FRMD1: variants seen among roughly 807,000 people sequenced by gnomAD.
FRMD1 encodes FERM domain-containing protein 1.
In FRMD1, 51 loss-of-function variants were observed where a neutral mutation model predicts 54.9. That is an observed-to-expected ratio of 0.93 (90% confidence interval 0.74 to 1.17). The LOEUF is 1.17. FRMD1 is among the 50% of genes most tolerant of loss of function. The probability of loss-of-function intolerance (pLI) is 0.00; values close to 1 mark genes in which losing one functional copy is unlikely to be tolerated. For synonymous variants in FRMD1, 324 were observed against 306.4 expected, an observed-to-expected ratio of 1.06 and a Z score of -0.60; for missense variants, 729 against 743.0, an observed-to-expected ratio of 0.98 and a Z score of 0.22.
chr6:168,081,525 C>T (rs770089187), upstream of FRMD1: 6 of 1,521,730 alleles, frequency 3.9e-6, no homozygotes, highest in South Asian at 3.6e-5. Context: ...TTCTTCTGGA[C>T]GGCTGGTTTC....
At chr6:168,079,321 A>C, upstream of FRMD1, 5 of 768,314 alleles carry the variant, frequency 6.5e-6, no homozygotes, top group Non-Finnish European at 9.6e-6. Flanking sequence ...AAACAACCTC[A>C]GGCTGGGCAC....
In FRMD1 at chr6:168,057,112, C is replaced by G; in HGVS notation, c.1635G>C (p.Gln545His). The change falls in exon 11 of 11, where the codon CAG becomes CAC. Residue 545 changes from glutamine to histidine, a missense_variant. Coordinates refer to ENST00000283309, the MANE Select transcript of FRMD1 (RefSeq NM_024919.6). ...ALDLFGEAPPQEFVV is the reference protein window; with the variant it reads ...ALDLFGEAPPHEFVV ...TGGGTGGTGCCTACACCACAAACTC[C>G]TGTGGTGGAGCCTCTCCGAACAGGT... The G allele has an allele frequency of 6.7e-7, 1 of 1,488,214 alleles. No individual in the cohort carries two copies. Among genetic ancestry groups the G allele is most frequent in the Non-Finnish European group, 9.0e-7 (1 of 1,115,556 alleles). The allele number at this position is 1,488,214 out of a possible 1,614,324, so 92.2% of individuals were successfully genotyped here. A position where few individuals can be genotyped will look rare whatever the true frequency, so the allele number is the denominator to read the frequency against.
Position 168,064,923 on chromosome 6 carries a change from T to G in FRMD1, c.596A>C (p.Glu199Ala). 1 of 1,606,126 alleles carries G rather than the reference T, an allele frequency of 6.2e-7. No homozygotes were observed. The highest frequency in any genetic ancestry group is 8.5e-7 in the Non-Finnish European group (1 of 1,176,934). The change falls in exon 5 of 11, where the codon GAG (glutamate) becomes GCG (alanine). Residue 199 changes from glutamate to alanine, a missense_variant. Transcript: ENST00000283309. ...GAAGTACCTCCCGGCATGGGCCGAC[T>G]CCCGGTGCTCGCCCAGGTCAGCCTG... is the stretch of plus-strand genomic sequence containing the variant. ...ALQADLGEHRESAHAGRYFEP... is the reference protein window; with the variant it reads ...ALQADLGEHRASAHAGRYFEP...
intron 9 of FRMD1, among the ~76,000 whole-genome samples, 162 bp downstream of exon 9, chr6:168,060,599 C>T (rs539621759): frequency 6.6e-6 from 1 of 152,328 alleles, no homozygotes; most frequent in South Asian, 2.1e-4. Flanking sequence ...CATGTTCTGG[C>T]ACATTTCCTG....
intron 7 of FRMD1, among the ~76,000 whole-genome samples, chr6:168,062,384 C>T (rs572501661): frequency 3.9e-4 from 59 of 152,318 alleles, no homozygotes; most frequent in African/African-American, 1.4e-3. Context: ...CACACAGGTG[C>T]GTTTCTATGA....
At chr6:168,081,215 T>C, upstream of FRMD1, 7 of 742,192 alleles carry the variant, frequency 9.4e-6, no homozygotes, top group Non-Finnish European at 1.4e-5. Flanking sequence ...AAGGCAAGGG[T>C]GGTCGCCATG....
Position 168,062,001 on chromosome 6 carries a change from G to A in FRMD1, c.871-20C>T, listed in dbSNP as rs1400010494. ...CTTTCCCTGAGCAAACAGGAGAGAAGTTGCCACTCCACAGGTGGAAAACCA... is the reference window on the plus strand; with the variant it reads ...CTTTCCCTGAGCAAACAGGAGAGAAATTGCCACTCCACAGGTGGAAAACCA... On this transcript the variant is annotated intron_variant, in intron 7 of 10. Transcript: ENST00000283309. 2 of 1,577,462 alleles carry A rather than the reference G, an allele frequency of 1.3e-6. No individual in the cohort carries two copies. Among genetic ancestry groups the A allele is most frequent in the African/African-American group, 2.7e-5 (2 of 73,958 alleles).
chr6:168,066,731 C>T, intron 4 of FRMD1, 24 bp downstream of exon 4: 5 of 1,603,206 alleles, frequency 3.1e-6, no homozygotes, highest in Non-Finnish European at 3.4e-6. Flanking sequence ...CAGGAAACAC[C>T]CCTTACAGTC....
Position 168,066,849 on chromosome 6 carries a change from A to G in FRMD1, c.385-18T>C. On this transcript the variant is annotated intron_variant, in intron 3 of 10. Coordinates refer to ENST00000283309, the MANE Select transcript of FRMD1 (RefSeq NM_024919.6). Reference sequence around the variant, plus strand: ...TCATTTCCCTAGTGGGGAAAATGCAAGAAAGAGCAAGTGAGCCGCAGGGAG... The same window carrying G: ...TCATTTCCCTAGTGGGGAAAATGCAGGAAAGAGCAAGTGAGCCGCAGGGAG... The G allele has an allele frequency of 6.2e-7, 1 of 1,610,246 alleles. No homozygotes were observed.
chr6:168,066,948 A>G (rs1583184610), intron 3 of FRMD1, 117 bp from the exon 4 acceptor site: 1 of 1,261,872 alleles, frequency 7.9e-7, no homozygotes, highest in African/African-American at 1.5e-5. Context: ...GTCGAAGCTC[A>G]GGTGTCTGCA....
chr6:168,074,624 A>C (rs1217866980), intron 2 of FRMD1, among the ~76,000 whole-genome samples: 3 of 137,910 alleles, frequency 2.2e-5, no homozygotes, highest in Admixed American at 7.3e-5. Context: ...TGGTGCATGC[A>C]TGTGTACATG....
chr6:168,071,358 C>T (rs1444997905), intron 2 of FRMD1, among the ~76,000 whole-genome samples: 2 of 152,198 alleles, frequency 1.3e-5, no homozygotes, highest in African/African-American at 4.8e-5. Context: ...AGTAAGAAAT[C>T]CAAGCACTTC....
At chr6:168,086,162 A>T (rs1203580255), upstream of FRMD1, among the ~76,000 whole-genome samples, 2 of 151,814 alleles carry the variant, frequency 1.3e-5, no homozygotes, top group East Asian at 3.9e-4. Flanking sequence ...CATGGATACC[A>T]CCAATGTCCC....
At chr6:168,058,422 C>T (rs956014188) in intron 10 of FRMD1, among the ~76,000 whole-genome samples, 4 of 151,820 alleles carry the variant, frequency 2.6e-5, no homozygotes, top group Non-Finnish European at 5.9e-5. Context: ...TCCAGCCTCC[C>T]GTGCCCAGCC....
chr6:168,071,771 G>A (rs918491568), intron 2 of FRMD1, among the ~76,000 whole-genome samples: 14 of 152,266 alleles, frequency 9.2e-5, no homozygotes, highest in African/African-American at 3.4e-4. Flanking sequence ...TGATGAGCCA[G>A]TAATCTCCCT....
intron 2 of FRMD1, among the ~76,000 whole-genome samples, chr6:168,074,599 CTGTG>C (rs556510958): frequency 7.3e-6 from 1 of 136,332 alleles, no homozygotes. Flanking sequence ...TGGTGTGTAA[CTGTG>C]TGCATGTGTG....
At chr6:168,070,853 C>A (rs957858616) in intron 2 of FRMD1, among the ~76,000 whole-genome samples, 1 of 152,218 alleles carries the variant, frequency 6.6e-6, no homozygotes, top group Admixed American at 6.5e-5. Context: ...CATCTTGCTG[C>A]TGGAAGGGGA....
At chr6:168,071,015 T>C (rs1357538916) in intron 2 of FRMD1, among the ~76,000 whole-genome samples, 1 of 152,162 alleles carries the variant, frequency 6.6e-6, no homozygotes, top group Non-Finnish European at 1.5e-5. Context: ...CAGGTGCCTG[T>C]TGATTGAACA....
At chr6:168,074,543 G>A (rs1800472566) in intron 2 of FRMD1, among the ~76,000 whole-genome samples, 1 of 151,648 alleles carries the variant, frequency 6.6e-6, no homozygotes, top group African/African-American at 2.4e-5. Context: ...TGTGAGTAGT[G>A]TGTAATTGTG....
Sources: allele counts gnomAD v4.1 joint callset (sites outside exome capture counted in the v4.1 genomes callset), GRCh38; gene constraint gnomAD v4.1.1; transcripts MANE v1.5; gene names NCBI Gene and HGNC (gene_info 2026-07-23, HGNC 2026-07-21).